Variants in TNS1 observed in about 807,000 individuals in gnomAD.
TNS1 encodes tensin-1.
Under a neutral mutation model 168.6 loss-of-function variants are expected in TNS1, and 62 were observed. The observed-to-expected ratio is 0.37, with a 90% CI of 0.30 to 0.45. The LOEUF is 0.45. Among genes scored for constraint, TNS1 ranks in the 20% least tolerant of loss-of-function variants. TNS1 has a pLI of 1.00. For missense variants in TNS1, 2,240 were observed against 2,339.4 expected (o/e 0.96, Z 0.88); for synonymous variants, 934 against 933.2 (o/e 1.00, Z -0.02).
rs1269133782 is a variant in TNS1, at chr2:217,986,883, G to A, written c.148+4059C>T. 1 of 152,260 alleles carries A rather than the reference G, an allele frequency of 6.6e-6. No individual in the cohort carries two copies. The highest frequency in any genetic ancestry group is 2.4e-5 in the African/African-American group (1 of 41,458). 9.4% of individuals were successfully genotyped at this position (152,260 alleles called of 1,614,324 possible). On this transcript the variant is annotated intron_variant, in intron 2 of 32. Transcript: ENST00000682258. The surrounding 1 kb of genome is among the most constrained non-coding windows in gnomAD (Gnocchi z 4.7). ...AGGACCTGGCACAGCATCTGACCCA[G>A]AGGACAGCTCAGTTCATGATTGCCA...
At chr2:217,908,618 C>A (rs1286820602) in intron 4 of TNS1, among the ~76,000 whole-genome samples, 1 of 152,152 alleles carries the variant, frequency 6.6e-6, no homozygotes, top group Non-Finnish European at 1.5e-5. Flanking sequence ...CACAGATAGG[C>A]ATGGAGGAAG....
chr2:217,900,592 G>C, intron 6 of TNS1, 80 bp from the exon 7 acceptor site: 1 of 1,379,694 alleles, frequency 7.2e-7, no homozygotes. Flanking sequence ...GCTGTCCACG[G>C]GGGCAAACAT....
intron 20 of TNS1, 149 bp from the exon 21 acceptor site, chr2:217,835,315 C>G (rs935438719): frequency 1.5e-6 from 1 of 668,638 alleles, no homozygotes. Context: ...GGGCAGGAGA[C>G]AGGTCCTGCC....
At chr2:217,864,291 G>A (rs766424537) in intron 18 of TNS1, among the ~76,000 whole-genome samples, 2 of 152,240 alleles carry the variant, frequency 1.3e-5, no homozygotes, top group African/African-American at 2.4e-5. Flanking sequence ...GAGCAAGGGC[G>A]AAGGAGAGGG....
At chr2:217,819,388 T>C (rs1392243738) in intron 23 of TNS1, among the ~76,000 whole-genome samples, 1 of 152,180 alleles carries the variant, frequency 6.6e-6, no homozygotes, top group South Asian at 2.1e-4. Context: ...AAAGCTGTCT[T>C]GCATGGTAAT....
In TNS1 at chr2:217,880,798, C is replaced by A. The variant is rs1272478098; in HGVS notation, c.1429+100G>T. 3 of 913,046 alleles carry A rather than the reference C, an allele frequency of 3.3e-6. No individual in the cohort carries two copies. Among genetic ancestry groups the A allele is most frequent in the Non-Finnish European group, 5.3e-6 (3 of 566,918 alleles). 56.6% of individuals were successfully genotyped at this position (913,046 alleles called of 1,614,324 possible). A position where few individuals can be genotyped will look rare whatever the true frequency, so the allele number is the denominator to read the frequency against. ...CTCACACTTCCCCTCTGCCTCCTCTCGAACCCAGATCTCTTGAAAGCAGGC... is the reference window on the plus strand; with the variant it reads ...CTCACACTTCCCCTCTGCCTCCTCTAGAACCCAGATCTCTTGAAAGCAGGC... On this transcript the variant is annotated intron_variant, in intron 18 of 32. Transcript: ENST00000682258. The surrounding 1 kb of genome is among the most constrained non-coding windows in gnomAD (Gnocchi z 4.2).
intron 22 of TNS1, among the ~76,000 whole-genome samples, chr2:217,828,808 T>C: frequency 6.6e-6 from 1 of 152,238 alleles, no homozygotes; most frequent in Middle Eastern, 3.2e-3. Flanking sequence ...GGTGAGTCCA[T>C]AGATTTCCTG....
chr2:217,840,240 T>G (rs1309742749), intron 19 of TNS1, among the ~76,000 whole-genome samples: 8 of 152,126 alleles, frequency 5.3e-5, no homozygotes, highest in Non-Finnish European at 8.8e-5. Context: ...GCATCTTCCC[T>G]GACCCAGCCT....
chr2:217,997,009 C>T lies in TNS1; in HGVS notation c.33+5831G>A, dbSNP rs377005802. 3.2e-4 allele frequency among the ~76,000 whole-genome samples: 48 copies of T among 152,078 alleles called. No individual in the cohort carries two copies. The East Asian group carries it at 5.3e-3, about 17-fold the overall frequency. On this transcript the variant is annotated intron_variant, in intron 1 of 32. Coordinates refer to ENST00000682258, the MANE Select transcript of TNS1 (RefSeq NM_001387777.1). ...GGCTGCTCCACGCTCTCCAGCCACC[C>T]GCCACCCCACTGCACCTCTAAGACT...
chr2:217,813,202 G>T lies in TNS1; in HGVS notation c.4954+13C>A, dbSNP rs768685259. On this transcript the variant is annotated intron_variant, in intron 27 of 32. Transcript: ENST00000682258. The surrounding 1 kb of genome is among the most constrained non-coding windows in gnomAD (Gnocchi z 4.0). ...GGCCAGACTGTAGAGATGGGGGCAG[G>T]GGGACAGCTCACCGAAGTTTGGCTC... The T allele has an allele frequency of 1.3e-6, 2 of 1,592,256 alleles. No individual in the cohort carries two copies. The highest frequency in any genetic ancestry group is 1.7e-6 in the Non-Finnish European group (2 of 1,166,416).
intron 3 of TNS1, among the ~76,000 whole-genome samples, chr2:217,967,444 A>T (rs1444079887): frequency 6.6e-6 from 1 of 152,274 alleles, no homozygotes; most frequent in East Asian, 1.9e-4. Context: ...ATTGATTAAG[A>T]TTCAAAGAAA....
chr2:217,831,503 C>T lies in TNS1; in HGVS notation c.3325G>A (p.Gly1109Ser). The T allele has an allele frequency of 6.3e-7, 1 of 1,576,168 alleles. No individual in the cohort carries two copies. The highest frequency in any genetic ancestry group is 1.2e-5 in the South Asian group (1 of 85,398). Residue 1109 changes from glycine (G) to serine (S), a missense_variant, in exon 22 of 33, where the codon GGC becomes AGC. By Grantham distance (56) the Gly-to-Ser change is moderately conservative. Coordinates refer to ENST00000682258, the MANE Select transcript of TNS1 (RefSeq NM_001387777.1). ...TCCGCTGGGTTGTGAGGTTTCAGGC[C>T]CAGAGCAGACAGGGGTGTCTTGGCC... ...GLAKTPLSAL[G>S]LKPHNPADIL...
chr2:217,961,890 G>A (rs971032031), intron 3 of TNS1, among the ~76,000 whole-genome samples: 4 of 152,214 alleles, frequency 2.6e-5, no homozygotes, highest in African/African-American at 4.8e-5. Flanking sequence ...GGGACCTTAA[G>A]TAAAGGAGGC....
intron 16 of TNS1, among the ~76,000 whole-genome samples, chr2:217,884,312 C>T (rs550224755): frequency 1.1e-4 from 17 of 150,646 alleles, no homozygotes; most frequent in Non-Finnish European, 1.8e-4. Context: ...GATGGACAGA[C>T]GGATGGATGA....
rs369908557 is a variant in TNS1, at chr2:217,848,715, G to C, written c.1802C>G (p.Ser601Cys). 2.5e-6 allele frequency: 4 copies of C among 1,614,126 alleles called. No homozygotes were observed. In the African/African-American group the frequency reaches 4.0e-5, roughly 16 times the overall value. Residue 601 changes from serine to cysteine, a missense_variant, in exon 19 of 33, where the codon TCT becomes TGT. Ser to Cys is a moderately radical substitution (Grantham distance 112). Coordinates refer to ENST00000682258, the MANE Select transcript of TNS1 (RefSeq NM_001387777.1). ...CTGGGCTGGGACAACGTGGCGTCCA[G>C]AGGAGGGCACAGCCGAGCCCCCTGC... ...RPAGGSAVPS[S>C]GRHVVPAQVH...
intron 3 of TNS1, among the ~76,000 whole-genome samples, chr2:217,950,760 C>G (rs1957219157): frequency 6.6e-6 from 1 of 151,562 alleles, no homozygotes; most frequent in Non-Finnish European, 1.5e-5. Flanking sequence ...GTTCCCCTCC[C>G]TCCTCTGCTG....
chr2:217,903,653 C>T lies in TNS1; in HGVS notation c.321+2682G>A, dbSNP rs780955619. ...TGAAAGGGCACCATGAAAGGAAATT[C>T]GACAGCCTCCCAGACAGAGTGTCTT... On this transcript the variant is annotated intron_variant, in intron 6 of 32. Transcript: ENST00000682258. The T allele has an allele frequency of 1.8e-5, 26 of 1,484,692 alleles. No individual in the cohort carries two copies. In the East Asian group the frequency reaches 3.2e-4, roughly 18 times the overall value. 92.0% of individuals were successfully genotyped at this position (1,484,692 alleles called of 1,614,324 possible).
At chr2:218,025,373 C>T (rs572861370) in intron 1 of TNS1, among the ~76,000 whole-genome samples, 30 of 152,230 alleles carry the variant, frequency 2.0e-4, no homozygotes, top group South Asian at 8.3e-4. Context: ...CTCAGCCTCC[C>T]GAGTTGTTGG....
chr2:218,031,078 T>A (rs62642773), intron 1 of TNS1, among the ~76,000 whole-genome samples: 81,706 of 147,954 alleles, frequency 0.55, 24,460 homozygotes, highest in African/African-American at 0.77. Context: ...ATGTGTGTGT[T>A]TGTGAGTGTG....
Sources: allele counts gnomAD v4.1 joint callset (sites outside exome capture counted in the v4.1 genomes callset), GRCh38; gene constraint gnomAD v4.1.1; non-coding constraint Gnocchi (gnomAD v3.1); transcripts MANE v1.5; gene names NCBI Gene and HGNC (gene_info 2026-07-23, HGNC 2026-07-21).